Variants in KIAA0408 observed in about 807,000 individuals in gnomAD.
KIAA0408 encodes uncharacterized protein KIAA0408.
Under a neutral mutation model 60.9 loss-of-function variants are expected in KIAA0408, and 51 were observed. The observed-to-expected ratio is 0.84, with a 90% CI of 0.67 to 1.06. The LOEUF is 1.06. KIAA0408 is among the 50% of genes least tolerant of loss of function. KIAA0408 has a pLI of 0.00. For missense variants in KIAA0408, 787 were observed against 833.9 expected (o/e 0.94, Z 0.69); for synonymous variants, 304 against 282.4 (o/e 1.08, Z -0.77).
chr6:127,455,048 A>C (rs1471888906), intron 1 of KIAA0408, among the ~76,000 whole-genome samples: 2 of 152,162 alleles, frequency 1.3e-5, no homozygotes, highest in African/African-American at 4.8e-5. Flanking sequence ...GGCATACTGA[A>C]TGCAAAGTAG....
chr6:127,455,314 A>G (rs765552641), intron 1 of KIAA0408, among the ~76,000 whole-genome samples: 5 of 152,308 alleles, frequency 3.3e-5, no homozygotes, highest in Non-Finnish European at 5.9e-5. Flanking sequence ...CCAACAGTCA[A>G]TAGCTTTGTG....
At position 127,450,312 on chromosome 6, in the gene KIAA0408, T is replaced by G; in HGVS notation, c.176A>C (p.Asn59Thr). The change falls in exon 3 of 6, where the codon AAT becomes ACT. Residue 59 changes from asparagine (N) to threonine (T), a missense_variant. Coordinates refer to ENST00000483725, the MANE Select transcript of KIAA0408 (RefSeq NM_014702.5). ...EVKLWRKINI[N>T]ESAKIIDLYH... Reference sequence around the variant, plus strand: ...AAGATCAATGATCTTAGCACTTTCATTGATATTGATTTTCCTCCAAAGCTT... The same window carrying G: ...AAGATCAATGATCTTAGCACTTTCAGTGATATTGATTTTCCTCCAAAGCTT... 6.2e-7 allele frequency: 1 copy of G among 1,604,754 alleles called. No individual in the cohort carries two copies. The highest frequency in any genetic ancestry group is 1.7e-4 in the Middle Eastern group (1 of 5,994).
intron 2 of KIAA0408, among the ~76,000 whole-genome samples, chr6:127,453,329 C>T (rs907141679): frequency 2.0e-5 from 3 of 151,920 alleles, no homozygotes; most frequent in Non-Finnish European, 4.4e-5. Context: ...AATGTGCACA[C>T]CTTGATAGAA....
chr6:127,450,346 G>C lies in KIAA0408; in HGVS notation c.142C>G (p.Arg48Gly). 6.3e-7 allele frequency: 1 copy of C among 1,583,298 alleles called. No individual in the cohort carries two copies. Among genetic ancestry groups the C allele is most frequent in the Non-Finnish European group, 8.5e-7 (1 of 1,170,158 alleles). The stretch of plus-strand genomic sequence containing the variant: ...ATTTTCCTCCAAAGCTTTACTTCCC[G>C]GCAAAGCTGTAAGAAAAACAAAACA... ...IMQKKIEELC[R>G]EVKLWRKINI... Residue 48 changes from arginine (R) to glycine (G), a missense_variant, in exon 3 of 6, where the codon CGG becomes GGG. By Grantham distance (125) the Arg-to-Gly change is moderately radical. This residue lies in a region of KIAA0408 where 640 missense variants were observed against 681.3 expected (regional missense o/e 0.94). Coordinates refer to ENST00000483725, the MANE Select transcript of KIAA0408 (RefSeq NM_014702.5).
chr6:127,454,449 C>T (rs1249062141), intron 1 of KIAA0408, among the ~76,000 whole-genome samples: 1 of 152,104 alleles, frequency 6.6e-6, no homozygotes, highest in East Asian at 1.9e-4. Context: ...CACATCTACA[C>T]ACTGTGACAG....
At chr6:127,454,759 A>C (rs1449435464) in intron 1 of KIAA0408, among the ~76,000 whole-genome samples, 1 of 152,138 alleles carries the variant, frequency 6.6e-6, no homozygotes, top group African/African-American at 2.4e-5. Context: ...AAATTTATCC[A>C]TGCTCTCTTT....
intron 2 of KIAA0408, among the ~76,000 whole-genome samples, chr6:127,452,586 C>G (rs946201901): frequency 9.9e-5 from 15 of 152,222 alleles, no homozygotes; most frequent in African/African-American, 3.6e-4. Context: ...CTTCTTTTAA[C>G]TACATGGCTT....
Position 127,441,180 on chromosome 6 carries a change from G to A in KIAA0408, c.*2929C>T, listed in dbSNP as rs1773102486. Reference sequence around the variant, plus strand: ...AGGGAAGCAGAAACTCTTAAGTCCAGATGTTTTCTCAGGATAACTAAACCT... The same window carrying A: ...AGGGAAGCAGAAACTCTTAAGTCCAAATGTTTTCTCAGGATAACTAAACCT... On this transcript the variant is annotated 3_prime_UTR_variant, in exon 6 of 6. Coordinates refer to ENST00000483725, the MANE Select transcript of KIAA0408 (RefSeq NM_014702.5). 1 of 152,302 alleles carries A rather than the reference G, an allele frequency of 6.6e-6. No homozygotes were observed. The highest frequency in any genetic ancestry group is 1.5e-5 in the Non-Finnish European group (1 of 68,008). The allele number at this position is 152,302 out of a possible 1,614,324, so 9.4% of individuals were successfully genotyped here.
rs1312215006 is a variant in KIAA0408, at chr6:127,444,271, T to A, written c.1923A>T (p.Ser641=). The A allele has an allele frequency of 6.3e-7, 1 of 1,589,718 alleles. No homozygotes were observed. Among genetic ancestry groups the A allele is most frequent in the Non-Finnish European group, 8.6e-7 (1 of 1,169,148 alleles). Residue 641 remains serine, a synonymous_variant, in exon 6 of 6, where the codon TCA becomes TCT. Transcript: ENST00000483725. ...ATCCTTTTCCATGTGAGGCGTTCAC[T>A]GACATGGATTCCTAGGACACAAGTA... ...DPKKITEESM[S]VNASHGKGFS...
chr6:127,441,892 C>T lies in KIAA0408; in HGVS notation c.*2217G>A, dbSNP rs895506680. 6.6e-5 allele frequency: 10 copies of T among 151,820 alleles called. No individual in the cohort carries two copies. Among genetic ancestry groups the T allele is most frequent in the East Asian group, 3.9e-4 (2 of 5,162 alleles). 9.4% of individuals were successfully genotyped at this position (151,820 alleles called of 1,614,324 possible). ...TATAATTTTAGTCAACATAAGAAGA[C>T]GTTAAAATGTGTCCCACTGGTTCAT... On this transcript the variant is annotated 3_prime_UTR_variant, in exon 6 of 6. Coordinates refer to ENST00000483725, the MANE Select transcript of KIAA0408 (RefSeq NM_014702.5).
At chr6:127,450,639 A>C in intron 2 of KIAA0408, 1 of 251,530 alleles carries the variant, frequency 4.0e-6, no homozygotes, top group Non-Finnish European at 7.5e-6. Context: ...ATATAAATAC[A>C]GAAACACTGT....
rs1305123012 is a variant in KIAA0408, at chr6:127,447,106, G to T, written c.1213C>A (p.Leu405Ile). The T allele has an allele frequency of 1.2e-6, 2 of 1,613,916 alleles. No individual in the cohort carries two copies. Among genetic ancestry groups the T allele is most frequent in the Middle Eastern group, 1.7e-4 (1 of 6,058 alleles). The change falls in exon 5 of 6, where the codon CTT becomes ATT. Residue 405 changes from leucine to isoleucine, a missense_variant. By Grantham distance (5) the Leu-to-Ile change is conservative. Around this residue, in one of 3 missense-constraint regions of KIAA0408, gnomAD observed 640 missense variants for 681.3 expected, o/e 0.94. Coordinates refer to ENST00000483725, the MANE Select transcript of KIAA0408 (RefSeq NM_014702.5). Reference sequence around the variant, plus strand: ...GAGCTACAGTCATTACTTACATGAAGATCAGGATGAGATTTAGCAGGGTGA... The same window carrying T: ...GAGCTACAGTCATTACTTACATGAATATCAGGATGAGATTTAGCAGGGTGA... ...PDHPAKSHPDLHVSNDCSSSV... is the reference protein window; with the variant it reads ...PDHPAKSHPDIHVSNDCSSSV...
intron 1 of KIAA0408, 125 bp downstream of exon 1, chr6:127,459,050 G>C (rs1404015018): frequency 1.3e-5 from 2 of 152,190 alleles, no homozygotes; most frequent in African/African-American, 2.4e-5. Context: ...GACAACAGCA[G>C]AGACAGATGT....
At chr6:127,444,754 G>A (rs913625537) in intron 5 of KIAA0408, among the ~76,000 whole-genome samples, 2 of 150,516 alleles carry the variant, frequency 1.3e-5, no homozygotes, top group Non-Finnish European at 2.9e-5. Context: ...TTAATCTGAT[G>A]CTTTTTTTTT....
chr6:127,450,370 C>G lies in KIAA0408; in HGVS notation c.136-18G>C. ...CGGCAAAGCTGTAAGAAAAACAAAACAAAATTAAAACTTCTTTTCCCCTAA... is the reference window on the plus strand; with the variant it reads ...CGGCAAAGCTGTAAGAAAAACAAAAGAAAATTAAAACTTCTTTTCCCCTAA... On this transcript the variant is annotated intron_variant, in intron 2 of 5. Transcript: ENST00000483725. 1 of 1,560,896 alleles carries G rather than the reference C, an allele frequency of 6.4e-7. No homozygotes were observed. The highest frequency in any genetic ancestry group is 8.6e-7 in the Non-Finnish European group (1 of 1,163,020).
chr6:127,459,106 C>T (rs1773444454), intron 1 of KIAA0408, 69 bp downstream of exon 1: 1 of 152,214 alleles, frequency 6.6e-6, no homozygotes, highest in Non-Finnish European at 1.5e-5. Context: ...TAAAACATCT[C>T]AACAGCAGCC....
Position 127,439,845 on chromosome 6 carries a change from GT to G in KIAA0408, c.*4263del, listed in dbSNP as rs1203900240. 3.9e-5 allele frequency: 6 copies of G among 152,148 alleles called. No homozygotes were observed. The highest frequency in any genetic ancestry group is 8.8e-5 in the Non-Finnish European group (6 of 68,022). The allele number at this position is 152,148 out of a possible 1,614,324, so 9.4% of individuals were successfully genotyped here. On this transcript the variant is annotated 3_prime_UTR_variant, in exon 6 of 6. Transcript: ENST00000483725. ...ATGAATTTGCTTTGCAAACAATAAG[GT>G]CATAGATGCACATGGGACATTTATA... is the stretch of plus-strand genomic sequence containing the variant.
At position 127,443,759 on chromosome 6, in the gene KIAA0408, T is replaced by C. The variant is rs762093768; in HGVS notation, c.*350A>G. 1 of 194,580 alleles carries C rather than the reference T, an allele frequency of 5.1e-6. No individual in the cohort carries two copies. The highest frequency in any genetic ancestry group is 1.1e-5 in the Non-Finnish European group (1 of 93,868). The allele number at this position is 194,580 out of a possible 1,614,324, so 12.1% of individuals were successfully genotyped here. The stretch of plus-strand genomic sequence containing the variant: ...AACACTAGCACATAAGTTTTTCATA[T>C]CTAAATACATACTAGGATACTTCCT... On this transcript the variant is annotated 3_prime_UTR_variant, in exon 6 of 6. Transcript: ENST00000483725.
At chr6:127,458,001 T>C (rs1227495118) in intron 1 of KIAA0408, among the ~76,000 whole-genome samples, 2 of 152,222 alleles carry the variant, frequency 1.3e-5, no homozygotes, top group African/African-American at 2.4e-5. Flanking sequence ...GCTAAACATA[T>C]CACTTTTCAC....
Sources: allele counts gnomAD v4.1 joint callset (sites outside exome capture counted in the v4.1 genomes callset), GRCh38; gene constraint gnomAD v4.1.1; regional missense constraint gnomAD v4.1.1; transcripts MANE v1.5; gene names NCBI Gene and HGNC (gene_info 2026-07-23, HGNC 2026-07-21).